GOLT1B: variants seen among roughly 807,000 people sequenced by gnomAD.
GOLT1B encodes vesicle transport protein GOT1B.
GOLT1B carries 3 observed loss-of-function variants against 15.4 expected under a neutral mutation model. That is an observed-to-expected ratio of 0.19 (90% CI 0.09 to 0.50). The LOEUF (loss-of-function observed/expected upper bound fraction) is 0.50. GOLT1B is among the 20% of genes least tolerant of loss of function. The pLI is 0.97. For missense variants in GOLT1B, 145 were observed against 160.4 expected (o/e 0.90, Z 0.52); for synonymous variants, 65 against 56.2 (o/e 1.16, Z -0.70).
At chr12:21,502,464 C>A (rs1943639898) in intron 1 of GOLT1B, among the ~76,000 whole-genome samples, 1 of 152,186 alleles carries the variant, frequency 6.6e-6, no homozygotes, top group African/African-American at 2.4e-5. Flanking sequence ...TGAATATTCG[C>A]TTTTTGCCAG....
chr12:21,514,992 TA>T (rs35343568), intron 4 of GOLT1B, among the ~76,000 whole-genome samples: 81,864 of 142,750 alleles, frequency 0.57, 22,596 homozygotes, highest in African/African-American at 0.59. Flanking sequence ...TCTGGAATGT[TA>T]AAAAAAAAAA....
intron 3 of GOLT1B, among the ~76,000 whole-genome samples, chr12:21,509,610 G>A (rs1289828907): frequency 1.3e-5 from 2 of 152,018 alleles, no homozygotes; most frequent in Non-Finnish European, 2.9e-5. Flanking sequence ...AATACCAATA[G>A]GATATAGTCA....
intron 1 of GOLT1B, among the ~76,000 whole-genome samples, chr12:21,506,533 A>G (rs999478870): frequency 6.6e-6 from 1 of 152,074 alleles, no homozygotes; most frequent in African/African-American, 2.4e-5. Context: ...AAGGAAACCT[A>G]TACATTTATG....
chr12:21,507,950 C>T (rs1276469509), intron 2 of GOLT1B: 2 of 454,584 alleles, frequency 4.4e-6, no homozygotes, highest in Admixed American at 4.7e-5. Flanking sequence ...ATAGAAACTC[C>T]TGTAGCCTAT....
intron 4 of GOLT1B, among the ~76,000 whole-genome samples, chr12:21,514,848 C>T (rs1216562203): frequency 6.6e-6 from 1 of 151,974 alleles, no homozygotes; most frequent in African/African-American, 2.4e-5. Context: ...ATGATAAGTG[C>T]TTATGTAAAC....
intron 1 of GOLT1B, among the ~76,000 whole-genome samples, chr12:21,505,800 C>G (rs759758302): frequency 7.2e-5 from 11 of 152,126 alleles, no homozygotes. Flanking sequence ...TCTACTCTGA[C>G]TCATCTGTAT....
In GOLT1B at chr12:21,516,909, A is replaced by T. The variant is rs551698275; in HGVS notation, c.*1202A>T. ...TGTGGTTTCTTAAGAACATGACACT[A>T]AAAAAAAAGTGTTTTTTTTCCACCG... On this transcript the variant is annotated 3_prime_UTR_variant, in exon 5 of 5. Coordinates refer to ENST00000229314, the MANE Select transcript of GOLT1B (RefSeq NM_016072.5). 3 of 151,378 alleles carry T rather than the reference A, an allele frequency of 2.0e-5. No homozygotes were observed. The highest frequency in any genetic ancestry group is 7.3e-5 in the African/African-American group (3 of 41,152). 9.4% of individuals were successfully genotyped at this position (151,378 alleles called of 1,614,324 possible).
At position 21,508,544 on chromosome 12, in the gene GOLT1B, A is replaced by AT. The variant is rs1943695529; in HGVS notation, c.285dup (p.Leu96SerfsTer15). ...TAGGCATGATCTTCGAAATTTATGG[A>AT]TTTTTTCTCTTGTTCAGGTAAGGCA... On this transcript the variant is annotated frameshift_variant, in exon 3 of 5. Coordinates refer to ENST00000229314, the MANE Select transcript of GOLT1B (RefSeq NM_016072.5). LOFTEE classifies it high-confidence loss of function. The AT allele has an allele frequency of 3.8e-6, 6 of 1,560,336 alleles. No homozygotes were observed. The highest frequency in any genetic ancestry group is 5.3e-6 in the Non-Finnish European group (6 of 1,135,160).
chr12:21,510,863 T>C (rs550902455), intron 3 of GOLT1B, among the ~76,000 whole-genome samples: 1 of 152,360 alleles, frequency 6.6e-6, no homozygotes, highest in Admixed American at 6.5e-5. Context: ...TTCATTGTAG[T>C]ATTTTCATCC....
In GOLT1B at chr12:21,506,832, G is replaced by T. The variant is rs943896099; in HGVS notation, c.26-53G>T. On this transcript the variant is annotated intron_variant, in intron 1 of 4. Transcript: ENST00000229314. ...GAAAATTTTCTTAGTTTACAGGGAT[G>T]TTAATGTGACTTTAATTTTTCTCTA... The T allele has an allele frequency of 1.7e-4, 127 of 767,836 alleles. 1 individual carries two copies. Among genetic ancestry groups the T allele is most frequent in the Non-Finnish European group, 2.5e-4 (112 of 447,806 alleles). 47.6% of individuals were successfully genotyped at this position (767,836 alleles called of 1,614,324 possible).
At chr12:21,512,116 A>G (rs966232775) in intron 3 of GOLT1B, among the ~76,000 whole-genome samples, 179 bp from the exon 4 acceptor site, 4 of 152,214 alleles carry the variant, frequency 2.6e-5, no homozygotes, top group Non-Finnish European at 5.9e-5. Flanking sequence ...GGCCTCATGT[A>G]CTTGTCACAT....
At position 21,515,293 on chromosome 12, in the gene GOLT1B, G is replaced by A. The variant is rs1292145739; in HGVS notation, c.379-376G>A. 4.9e-6 allele frequency: 6 copies of A among 1,219,958 alleles called. No homozygotes were observed. The South Asian group carries it at 7.1e-5, about 14-fold the overall frequency. 75.6% of individuals were successfully genotyped at this position (1,219,958 alleles called of 1,614,324 possible). A position where few individuals can be genotyped will look rare whatever the true frequency, so the allele number is the denominator to read the frequency against. On this transcript the variant is annotated intron_variant, in intron 4 of 4. Coordinates refer to ENST00000229314, the MANE Select transcript of GOLT1B (RefSeq NM_016072.5). ...ATGGTCAGTTGAAATATCTTATTGG[G>A]TTCATTAATGCATGAATGGCTGACA...
intron 1 of GOLT1B, among the ~76,000 whole-genome samples, chr12:21,502,282 A>G (rs1248261399): frequency 6.6e-6 from 1 of 152,158 alleles, no homozygotes; most frequent in Non-Finnish European, 1.5e-5. Flanking sequence ...GGCTTGCCAC[A>G]AGAGAAAGTT....
Position 21,515,800 on chromosome 12 carries a change from G to A in GOLT1B, c.*93G>A. On this transcript the variant is annotated 3_prime_UTR_variant, in exon 5 of 5. Transcript: ENST00000229314. ...GCACAAAATTAAATTACATGAAATA[G>A]CTTGTAATGTTCTTTACAGGAGTTT... 1 of 694,146 alleles carries A rather than the reference G, an allele frequency of 1.4e-6. No individual in the cohort carries two copies. The highest frequency in any genetic ancestry group is 2.5e-6 in the Non-Finnish European group (1 of 394,874). The allele number at this position is 694,146 out of a possible 1,614,324, so 43.0% of individuals were successfully genotyped here.
At position 21,512,165 on chromosome 12, in the gene GOLT1B, G is replaced by T. The variant is rs73079372; in HGVS notation, c.297-130G>T. 0.025 allele frequency: 15,239 copies of T among 611,408 alleles called. 252 individuals are homozygous for T. The highest frequency in any genetic ancestry group is 0.056 in the Middle Eastern group (130 of 2,330). The allele number at this position is 611,408 out of a possible 1,614,324, so 37.9% of individuals were successfully genotyped here. On this transcript the variant is annotated intron_variant, in intron 3 of 4. Transcript: ENST00000229314. ...CACAAAATTTTTAATTAAGTTTGTA[G>T]TTATTTCTAAGTTTGAAGACCCTCA...
At chr12:21,502,028 A>C (rs1387980499) in intron 1 of GOLT1B, 80 bp downstream of exon 1, 2 of 998,502 alleles carry the variant, frequency 2.0e-6, no homozygotes, top group Non-Finnish European at 3.2e-6. Context: ...CGCCGGGGTC[A>C]ATGAATGAAG....
At chr12:21,512,598 C>CT (rs1285415492) in intron 4 of GOLT1B, among the ~76,000 whole-genome samples, 2 of 152,140 alleles carry the variant, frequency 1.3e-5, no homozygotes, top group African/African-American at 2.4e-5. Context: ...TCCATATTCT[C>CT]TATTTTTTAA....
chr12:21,511,920 T>C (rs1943722712), intron 3 of GOLT1B, among the ~76,000 whole-genome samples: 1 of 152,230 alleles, frequency 6.6e-6, no homozygotes, highest in Non-Finnish European at 1.5e-5. Context: ...AGGTAGTCTC[T>C]TAGTGTTAAC....
intron 3 of GOLT1B, among the ~76,000 whole-genome samples, chr12:21,509,895 C>T (rs898593915): frequency 6.6e-6 from 1 of 152,100 alleles, no homozygotes; most frequent in South Asian, 2.1e-4. Context: ...GAAAATGAAG[C>T]CTGGAGCCAG....
Sources: gnomAD v4.1 joint callset for allele counts (sites outside exome capture counted in the v4.1 genomes callset) on GRCh38, gnomAD v4.1.1 for gene constraint, MANE v1.5 for transcripts, NCBI Gene and HGNC (gene_info 2026-07-23, HGNC 2026-07-21) for gene names.